The following GARIN2 variants were observed in gnomAD, a reference collection of about 807,000 sequenced individuals.
The protein encoded by GARIN2 is golgi associated RAB2 interactor family member 2.
the GARIN2 span, chr14:67,227,628 T>C: frequency 6.6e-6 from 1 of 152,064 alleles, no homozygotes; most frequent in Non-Finnish European, 1.5e-5. Context: ...TGAAAGTTAT[T>C]TGGACTCTTA....
the GARIN2 span, chr14:67,201,674 G>C: frequency 2.6e-6 from 1 of 382,052 alleles, no homozygotes; most frequent in South Asian, 2.0e-5. Flanking sequence ...CCTGAGCTGG[G>C]TCATCATCCC....
the GARIN2 span, among the ~76,000 whole-genome samples, chr14:67,192,362 TTTTG>T: frequency 6.6e-6 from 1 of 151,426 alleles, no homozygotes; most frequent in Non-Finnish European, 1.5e-5. Context: ...CAACAAGTAG[TTTTG>T]TTTGTTTCTT....
At chr14:67,192,558 T>A in the GARIN2 span, among the ~76,000 whole-genome samples, 5 of 151,448 alleles carry the variant, frequency 3.3e-5, no homozygotes, top group African/African-American at 1.2e-4. Flanking sequence ...TGCAAGGAGC[T>A]TATCAGGAGA....
the GARIN2 span, chr14:67,199,362 A>G: frequency 4.2e-5 from 67 of 1,614,094 alleles, no homozygotes; most frequent in Non-Finnish European, 5.5e-5. Context: ...GTAGGGGCCA[A>G]CATTTTCAAT....
At chr14:67,203,448 G>C in the GARIN2 span, among the ~76,000 whole-genome samples, 3 of 152,162 alleles carry the variant, frequency 2.0e-5, no homozygotes, top group African/African-American at 7.2e-5. Flanking sequence ...TTGAAGACGG[G>C]TGAAATCATG....
the GARIN2 span, chr14:67,202,908 A>G: frequency 5.0e-6 from 1 of 201,130 alleles, no homozygotes; most frequent in South Asian, 1.7e-4. Context: ...GTAGGCCCCC[A>G]TGGGTCAGAG....
At chr14:67,221,084 G>A in the GARIN2 span, among the ~76,000 whole-genome samples, 9 of 152,120 alleles carry the variant, frequency 5.9e-5, no homozygotes, top group Non-Finnish European at 1.5e-5. Context: ...ATGAGGTTAA[G>A]GAAATAAGTA....
the GARIN2 span, among the ~76,000 whole-genome samples, chr14:67,203,764 G>C: frequency 6.6e-6 from 1 of 152,224 alleles, no homozygotes; most frequent in African/African-American, 2.4e-5. Flanking sequence ...CCAGGCTGGA[G>C]TGCAATGGCA....
At chr14:67,199,698 A>G in the GARIN2 span, 15 of 1,585,902 alleles carry the variant, frequency 9.5e-6, no homozygotes, top group African/African-American at 2.7e-5. Flanking sequence ...CTGTTTGCAG[A>G]TGCACCTCCT....
chr14:67,206,327 G>A, the GARIN2 span, among the ~76,000 whole-genome samples: 6 of 151,940 alleles, frequency 3.9e-5, no homozygotes, highest in African/African-American at 1.5e-4. Flanking sequence ...GCAAAACCCT[G>A]TCTCTACTAA....
the GARIN2 span, among the ~76,000 whole-genome samples, chr14:67,195,110 C>T: frequency 6.6e-6 from 1 of 152,204 alleles, no homozygotes; most frequent in Non-Finnish European, 1.5e-5. Flanking sequence ...ATTTAGCACA[C>T]ACTTCTCAGC....
the GARIN2 span, among the ~76,000 whole-genome samples, chr14:67,190,129 G>A: frequency 2.7e-5 from 4 of 146,670 alleles, no homozygotes; most frequent in African/African-American, 1.0e-4. Context: ...TGGCCAGGCT[G>A]GTCTTTAACT....
At chr14:67,207,919 T>G in the GARIN2 span, among the ~76,000 whole-genome samples, 1 of 152,210 alleles carries the variant, frequency 6.6e-6, no homozygotes, top group Non-Finnish European at 1.5e-5. Context: ...AGAGAAGTAC[T>G]GTAATTAGAT....
At chr14:67,198,099 C>A in the GARIN2 span, 38 of 1,547,280 alleles carry the variant, frequency 2.5e-5, no homozygotes, top group Non-Finnish European at 3.0e-5. Flanking sequence ...ATATTAAATT[C>A]TCTCTGTATC....
the GARIN2 span, chr14:67,225,335 T>C: frequency 9.6e-7 from 1 of 1,038,862 alleles, no homozygotes; most frequent in African/African-American, 1.7e-5. Context: ...AAAAAGTTGT[T>C]AATAAGTGGG....
chr14:67,217,286 C>T, the GARIN2 span, among the ~76,000 whole-genome samples: 2 of 151,888 alleles, frequency 1.3e-5, no homozygotes, highest in Admixed American at 1.3e-4. Context: ...CACTTTCAGT[C>T]TATATGCATC....
chr14:67,198,276 G>A, the GARIN2 span: 2 of 1,613,850 alleles, frequency 1.2e-6, no homozygotes, highest in Non-Finnish European at 1.7e-6. Context: ...AGGAGAGTAT[G>A]CCCCTTTTGT....
At chr14:67,202,352 A>G in the GARIN2 span, among the ~76,000 whole-genome samples, 1 of 152,122 alleles carries the variant, frequency 6.6e-6, no homozygotes, top group African/African-American at 2.4e-5. Context: ...GAGACAGGAG[A>G]ATCATTTGAA....
At chr14:67,195,811 T>C in the GARIN2 span, among the ~76,000 whole-genome samples, 1 of 151,720 alleles carries the variant, frequency 6.6e-6, no homozygotes. Context: ...TGGCACGATC[T>C]CAGCTCACTG....
Sources: allele counts gnomAD v4.1 joint callset (sites outside exome capture counted in the v4.1 genomes callset), GRCh38; gene constraint gnomAD v4.1.1; transcripts MANE v1.5; gene names NCBI Gene and HGNC (gene_info 2026-07-23, HGNC 2026-07-21).